The following AGBL4 variants were observed in gnomAD, a reference collection of about 807,000 sequenced individuals.
The protein encoded by AGBL4 is cytosolic carboxypeptidase 6.
Under a neutral mutation model 66.4 loss-of-function variants are expected in AGBL4, and 58 were observed. The ratio of observed to expected loss-of-function variants is 0.87; its 90% CI spans 0.71 to 1.09. AGBL4 has a LOEUF of 1.09. Among genes scored for constraint, AGBL4 ranks in the 50% least tolerant of loss-of-function variants. AGBL4 has a pLI of 0.00. For synonymous variants in AGBL4, 234 were observed against 222.9 expected (o/e 1.05, Z -0.44); for missense variants, 579 against 631.0 (o/e 0.92, Z 0.88).
intron 4 of AGBL4, among the ~76,000 whole-genome samples, chr1:49,133,173 G>A (rs1333291267): frequency 6.6e-6 from 1 of 152,160 alleles, no homozygotes; most frequent in Non-Finnish European, 1.5e-5. Flanking sequence ...TCACTCATAA[G>A]TGGGAGTTGA....
intron 1 of AGBL4, among the ~76,000 whole-genome samples, chr1:49,922,657 T>C (rs1652374707): frequency 1.3e-5 from 2 of 152,116 alleles, no homozygotes; most frequent in African/African-American, 2.4e-5. Context: ...CTAGCATTCC[T>C]ACAAACCAAC....
intron 5 of AGBL4, among the ~76,000 whole-genome samples, chr1:49,022,671 C>G (rs1663340642): frequency 6.6e-6 from 1 of 152,094 alleles, no homozygotes; most frequent in Non-Finnish European, 1.5e-5. Flanking sequence ...TCCTCAATTC[C>G]TATTGACATG....
At chr1:49,872,592 G>T (rs1646864226) in intron 1 of AGBL4, among the ~76,000 whole-genome samples, 1 of 152,056 alleles carries the variant, frequency 6.6e-6, no homozygotes, top group Non-Finnish European at 1.5e-5. Context: ...ACAGGTATCT[G>T]CAGGCACAGA....
rs920144266 is a variant in AGBL4, at chr1:48,899,074, G to C, written c.595-31844C>G. ...TCAGCCACGTCGCTGGGCCTGAGGC[G>C]CTCGGCTCAGCCTCCCTGCAGGCTG... On this transcript the variant is annotated intron_variant, in intron 5 of 13. Coordinates refer to ENST00000371839, the MANE Select transcript of AGBL4 (RefSeq NM_032785.4). Among the ~76,000 whole-genome samples, 6 of 152,206 alleles carry C rather than the reference G, an allele frequency of 3.9e-5. No individual in the cohort carries two copies. In the South Asian group the frequency reaches 1.2e-3, roughly 31 times the overall value.
At chr1:48,903,117 T>C (rs1228955548) in intron 5 of AGBL4, among the ~76,000 whole-genome samples, 3 of 152,242 alleles carry the variant, frequency 2.0e-5, no homozygotes, top group Non-Finnish European at 4.4e-5. Context: ...TTCAGCATTT[T>C]GTGGATCCTT....
chr1:49,718,072 TG>T (rs1397493229), intron 2 of AGBL4, among the ~76,000 whole-genome samples: 1 of 152,000 alleles, frequency 6.6e-6, no homozygotes, highest in Non-Finnish European at 1.5e-5. Context: ...TATGTAAAAG[TG>T]GGTGATATGG....
At chr1:49,271,014 C>T (rs927252564) in intron 3 of AGBL4, among the ~76,000 whole-genome samples, 4 of 152,142 alleles carry the variant, frequency 2.6e-5, no homozygotes, top group Non-Finnish European at 5.9e-5. Context: ...CTATGGGATT[C>T]GCAATGAAGG....
At chr1:49,465,304 C>A (rs1007557973) in intron 3 of AGBL4, among the ~76,000 whole-genome samples, 1 of 150,544 alleles carries the variant, frequency 6.6e-6, no homozygotes, top group African/African-American at 2.4e-5. Flanking sequence ...AATTATGGAC[C>A]ATTCTTACTG....
chr1:49,421,494 T>C (rs541735987), intron 3 of AGBL4, among the ~76,000 whole-genome samples: 1 of 152,232 alleles, frequency 6.6e-6, no homozygotes, highest in Non-Finnish European at 1.5e-5. Flanking sequence ...ATGTTTTGCA[T>C]CAATGTCGTG....
intron 6 of AGBL4, among the ~76,000 whole-genome samples, chr1:48,775,188 G>A (rs1405569534): frequency 1.3e-5 from 2 of 152,198 alleles, no homozygotes; most frequent in Non-Finnish European, 2.9e-5. Flanking sequence ...CAGTGGGTGG[G>A]CCTACACTTC....
At chr1:49,353,652 G>T (rs1643956793) in intron 3 of AGBL4, among the ~76,000 whole-genome samples, 1 of 152,094 alleles carries the variant, frequency 6.6e-6, no homozygotes, top group African/African-American at 2.4e-5. Context: ...AGGCATTCCT[G>T]TTTCATGCCC....
At chr1:48,711,962 A>T (rs941137027) in intron 6 of AGBL4, among the ~76,000 whole-genome samples, 5 of 152,100 alleles carry the variant, frequency 3.3e-5, no homozygotes, top group African/African-American at 9.7e-5. Flanking sequence ...GCTCTTGAGG[A>T]TGTGGCTCCC....
At chr1:49,548,044 T>C (rs1652644850) in intron 3 of AGBL4, among the ~76,000 whole-genome samples, 1 of 152,154 alleles carries the variant, frequency 6.6e-6, no homozygotes, top group Admixed American at 6.5e-5. Context: ...AGTGCTGGGA[T>C]TACAGGCATG....
chr1:49,931,699 T>A lies in AGBL4; in HGVS notation c.35-80181A>T, dbSNP rs531432019. Among the ~76,000 whole-genome samples, 28 of 152,272 alleles carry A rather than the reference T, an allele frequency of 1.8e-4. 1 individual carries two copies. The highest frequency in any genetic ancestry group is 6.8e-3 in the Middle Eastern group (2 of 294). On this transcript the variant is annotated intron_variant, in intron 1 of 13. Coordinates refer to ENST00000371839, the MANE Select transcript of AGBL4 (RefSeq NM_032785.4). ...CAGATGGCAATTTTCCAAAAATTGA[T>A]CTAAAGATTTAATAAAATTCTAATT...
chr1:48,941,811 T>C (rs1043226559), intron 5 of AGBL4, among the ~76,000 whole-genome samples: 4 of 152,214 alleles, frequency 2.6e-5, no homozygotes, highest in Non-Finnish European at 5.9e-5. Flanking sequence ...AGAGGTTAAG[T>C]TGCTTACTCA....
intron 6 of AGBL4, among the ~76,000 whole-genome samples, chr1:48,681,219 G>T (rs1646449809): frequency 6.6e-6 from 1 of 152,132 alleles, no homozygotes. Context: ...TAGGGATAGG[G>T]ACCGCTGCCT....
intron 5 of AGBL4, among the ~76,000 whole-genome samples, chr1:48,879,648 T>A (rs924603374): frequency 6.6e-6 from 1 of 152,164 alleles, no homozygotes; most frequent in Admixed American, 6.5e-5. Flanking sequence ...TTAGTGAACA[T>A]CTACTATGCA....
chr1:49,020,567 C>T (rs1322249862), intron 5 of AGBL4, among the ~76,000 whole-genome samples: 2 of 152,180 alleles, frequency 1.3e-5, no homozygotes, highest in Non-Finnish European at 2.9e-5. Flanking sequence ...TTCCTGAACA[C>T]TTTCAGGCCC....
At chr1:49,324,559 G>T (rs920499904) in intron 3 of AGBL4, among the ~76,000 whole-genome samples, 4 of 152,234 alleles carry the variant, frequency 2.6e-5, no homozygotes, top group Non-Finnish European at 5.9e-5. Context: ...TGTGTTTACA[G>T]GGCATTAGAA....
Sources: allele counts gnomAD v4.1 joint callset (sites outside exome capture counted in the v4.1 genomes callset), GRCh38; gene constraint gnomAD v4.1.1; transcripts MANE v1.5; gene names NCBI Gene and HGNC (gene_info 2026-07-23, HGNC 2026-07-21).